Variants in KLHL14 observed in about 807,000 individuals in gnomAD.
The protein encoded by KLHL14 is kelch like family member 14.
In KLHL14, 22 loss-of-function variants were observed where a neutral mutation model predicts 64.3. The ratio of observed to expected loss-of-function variants is 0.34; its 90% CI spans 0.24 to 0.49. KLHL14 has a LOEUF of 0.49. KLHL14 is among the 20% of genes least tolerant of loss of function. The probability of loss-of-function intolerance (pLI) is 0.99; values close to 1 mark genes in which losing one functional copy is unlikely to be tolerated. For synonymous variants in KLHL14, 322 were observed against 333.4 expected, an observed-to-expected ratio of 0.97 and a Z score of 0.37; for missense variants, 661 against 789.0, an observed-to-expected ratio of 0.84 and a Z score of 1.94.
chr18:32,771,348 T>C (rs2050383547), intron 1 of KLHL14, among the ~76,000 whole-genome samples: 1 of 152,160 alleles, frequency 6.6e-6, no homozygotes, highest in Non-Finnish European at 1.5e-5. Flanking sequence ...CTCAGTGGAA[T>C]CGGCAGAGGC....
At chr18:32,708,177 C>T (rs775442162) in intron 3 of KLHL14, among the ~76,000 whole-genome samples, 6 of 152,130 alleles carry the variant, frequency 3.9e-5, no homozygotes, top group Non-Finnish European at 5.9e-5. Context: ...TTCTGGGCTC[C>T]TGAGGAACAC....
At chr18:32,753,387 A>ACCCCTTCACTTCTCATCCCG (rs1240113498) in intron 2 of KLHL14, among the ~76,000 whole-genome samples, 1 of 144,372 alleles carries the variant, frequency 6.9e-6, no homozygotes, top group African/African-American at 2.6e-5. Context: ...CCATCTTCCC[A>ACCCCTTCACTTCTCATCCCG]CCCCTTCACT....
intron 3 of KLHL14, chr18:32,738,813 C>T (rs1257115705): frequency 6.6e-6 from 1 of 152,116 alleles, no homozygotes; most frequent in East Asian, 1.9e-4. Context: ...CCCCTCCACT[C>T]CATTCAACTC....
At chr18:32,731,034 C>T (rs1598567502) in intron 3 of KLHL14, among the ~76,000 whole-genome samples, 2 of 152,138 alleles carry the variant, frequency 1.3e-5, no homozygotes, top group Non-Finnish European at 2.9e-5. Flanking sequence ...GGTATCAGCA[C>T]AGCTCCTTGC....
intron 3 of KLHL14, among the ~76,000 whole-genome samples, chr18:32,715,678 T>G (rs2144504344): frequency 6.6e-6 from 1 of 152,314 alleles, no homozygotes; most frequent in South Asian, 2.1e-4. Flanking sequence ...ACACGTATAT[T>G]TAAATACGGG....
At chr18:32,746,920 G>A (rs1352955101) in intron 2 of KLHL14, among the ~76,000 whole-genome samples, 1 of 152,194 alleles carries the variant, frequency 6.6e-6, no homozygotes, top group Non-Finnish European at 1.5e-5. Context: ...TCAATAGGAT[G>A]AGTCTTAAAA....
intron 2 of KLHL14, among the ~76,000 whole-genome samples, chr18:32,749,821 A>AAACAC (rs1214982757): frequency 1.3e-5 from 2 of 152,160 alleles, no homozygotes; most frequent in African/African-American, 4.8e-5. Context: ...AAGGCCAGGA[A>AAACAC]AACACAAGTT....
At chr18:32,699,716 A>C (rs2049954779) in intron 3 of KLHL14, among the ~76,000 whole-genome samples, 1 of 152,134 alleles carries the variant, frequency 6.6e-6, no homozygotes, top group African/African-American at 2.4e-5. Context: ...ATTTGTGTAT[A>C]ATTTTTTATA....
At chr18:32,685,454 T>A (rs2049872549) in intron 5 of KLHL14, among the ~76,000 whole-genome samples, 1 of 152,074 alleles carries the variant, frequency 6.6e-6, no homozygotes, top group Non-Finnish European at 1.5e-5. Flanking sequence ...ATTTCAAACA[T>A]GTATTGATAG....
At chr18:32,686,177 A>ATTTTTTTTTTTTTTTTTTTTTTTTTTTT in intron 5 of KLHL14, among the ~76,000 whole-genome samples, 1 of 107,674 alleles carries the variant, frequency 9.3e-6, no homozygotes, top group Non-Finnish European at 1.8e-5. Flanking sequence ...GTGCCCGGCT[A>ATTTTTTTTTTTTTTTTTTTTTTTTTTTT]TTTTTTTTTT....
intron 3 of KLHL14, among the ~76,000 whole-genome samples, chr18:32,707,910 G>T (rs1309056331): frequency 2.6e-5 from 4 of 152,166 alleles, no homozygotes; most frequent in African/African-American, 4.8e-5. Flanking sequence ...GAACCTGGGG[G>T]TGGTCTTGAG....
intron 4 of KLHL14, among the ~76,000 whole-genome samples, chr18:32,693,413 C>CACACACACACACACACACACAGAGAGAG (rs1229737083): frequency 1.0e-5 from 1 of 97,018 alleles, no homozygotes; most frequent in Admixed American, 1.1e-4. Flanking sequence ...CACACACACA[C>CACACACACACACACACACACAGAGAGAG]AGAGAGAGAG....
intron 7 of KLHL14, 73 bp from the exon 8 acceptor site, chr18:32,677,403 T>C: frequency 7.2e-7 from 1 of 1,391,872 alleles, no homozygotes; most frequent in Non-Finnish European, 9.6e-7. Context: ...AGGGCTTCTT[T>C]TAAAAACAAG....
intron 4 of KLHL14, among the ~76,000 whole-genome samples, chr18:32,693,750 T>TGAGAAA (rs2049923516): frequency 1.3e-5 from 2 of 152,162 alleles, no homozygotes; most frequent in Non-Finnish European, 2.9e-5. Context: ...ACTGATGGCT[T>TGAGAAA]TAAACCCAAC....
chr18:32,721,122 G>C (rs184468398), intron 3 of KLHL14, among the ~76,000 whole-genome samples: 1 of 152,326 alleles, frequency 6.6e-6, no homozygotes, highest in East Asian at 1.9e-4. Context: ...CAGGAGCGTG[G>C]CAGTGCTCTG....
chr18:32,758,312 T>C (rs967213627), intron 2 of KLHL14, among the ~76,000 whole-genome samples: 2 of 152,138 alleles, frequency 1.3e-5, no homozygotes, highest in Admixed American at 6.5e-5. Context: ...GATATGCAAG[T>C]GGCCAATAAG....
At position 32,674,327 on chromosome 18, in the gene KLHL14, G is replaced by C; in HGVS notation, c.*330C>G. The C allele has an allele frequency of 4.3e-6, 1 of 234,208 alleles. No individual in the cohort carries two copies. Among genetic ancestry groups the C allele is most frequent in the Admixed American group, 5.0e-5 (1 of 20,162 alleles). 14.5% of individuals were successfully genotyped at this position (234,208 alleles called of 1,614,324 possible). A position where few individuals can be genotyped will look rare whatever the true frequency, so the allele number is the denominator to read the frequency against. ...ACTACAATGCACAATACTGATCTGA[G>C]GTCTCTCTGGGGCCAGTCTTCTGTA... On this transcript the variant is annotated 3_prime_UTR_variant, in exon 9 of 9. Coordinates refer to ENST00000359358, the MANE Select transcript of KLHL14 (RefSeq NM_020805.3).
At chr18:32,743,527 G>C (rs954471003) in intron 2 of KLHL14, 1 of 152,214 alleles carries the variant, frequency 6.6e-6, no homozygotes, top group African/African-American at 2.4e-5. Context: ...CATAGATAGA[G>C]GGAGCTGTAC....
At position 32,696,804 on chromosome 18, in the gene KLHL14, CTAAGA is replaced by C. The variant is rs1425020489; in HGVS notation, c.1070-1257_1070-1253del. Reference sequence around the variant, plus strand: ...TTTTCTCAGAAAGCATTTACGCTGGCTAAGATATTTAAATAAAAAATAAGAAACAG... The same window carrying C: ...TTTTCTCAGAAAGCATTTACGCTGGCTATTTAAATAAAAAATAAGAAACAG... On this transcript the variant is annotated intron_variant, in intron 3 of 8. Transcript: ENST00000359358. 2.6e-5 allele frequency among the ~76,000 whole-genome samples: 4 copies of C among 152,182 alleles called. No homozygotes were observed. The East Asian group carries it at 7.7e-4, about 29-fold the overall frequency.
Sources: gnomAD v4.1 joint callset for allele counts (sites outside exome capture counted in the v4.1 genomes callset) on GRCh38, gnomAD v4.1.1 for gene constraint, MANE v1.5 for transcripts, NCBI Gene and HGNC (gene_info 2026-07-23, HGNC 2026-07-21) for gene names.